The following SGIP1 variants were observed in gnomAD, a reference collection of about 807,000 sequenced individuals.
SGIP1 encodes the protein SH3-containing GRB2-like protein 3-interacting protein 1.
In SGIP1, 38 loss-of-function variants were observed where a neutral mutation model predicts 107.5. The observed-to-expected ratio is 0.35, with a 90% confidence interval of 0.27 to 0.46. SGIP1 has a LOEUF of 0.46. Ranked by LOEUF, SGIP1 falls within the 20% of genes least tolerant of loss-of-function variation. The pLI is 1.00. For synonymous variants in SGIP1, 365 were observed against 366.1 expected (o/e 1.00, Z 0.03); for missense variants, 929 against 1,019.5 (o/e 0.91, Z 1.21).
At chr1:66,607,073 G>A (rs945350530) in intron 1 of SGIP1, among the ~76,000 whole-genome samples, 3 of 152,180 alleles carry the variant, frequency 2.0e-5, no homozygotes, top group African/African-American at 7.2e-5. Flanking sequence ...TCTGTGAACT[G>A]TACTACGTTG....
At chr1:66,667,480 A>G (rs764357167) in intron 8 of SGIP1, 50 bp from the exon 9 acceptor site, 8 of 1,584,904 alleles carry the variant, frequency 5.0e-6, no homozygotes, top group Non-Finnish European at 6.9e-6. Flanking sequence ...TGACTGATCC[A>G]TCATTCTCTG....
chr1:66,651,196 G>GAGAACTTTGAGA (rs1210186038), intron 7 of SGIP1, among the ~76,000 whole-genome samples: 1 of 152,180 alleles, frequency 6.6e-6, no homozygotes, highest in Non-Finnish European at 1.5e-5. Flanking sequence ...GCTCATTGAT[G>GAGAACTTTGAGA]ACTTTGAGAA....
intron 3 of SGIP1, chr1:66,634,208 C>G: frequency 6.6e-7 from 1 of 1,512,812 alleles, no homozygotes; most frequent in South Asian, 1.2e-5. Context: ...GGCTTGGTCC[C>G]CTCCCTGGGT....
At position 66,682,197 on chromosome 1, in the gene SGIP1, G is replaced by A. The variant is rs1239068532; in HGVS notation, c.1143G>A (p.Lys381=). 4 of 1,614,190 alleles carry A rather than the reference G, an allele frequency of 2.5e-6. No individual in the cohort carries two copies. The highest frequency in any genetic ancestry group is 3.4e-6 in the Non-Finnish European group (4 of 1,180,042). ...LSPLNLEEVQ[K]KVAEQTFIKD... is the part of the protein sequence containing the mutation. ...CGCTCAATTTAGAAGAAGTCCAGAA[G>A]AAAGTCGCTGAGCAGACCTTCATTA... The change falls in exon 15 of 25, where the codon AAG becomes AAA. Residue 381 remains lysine, a synonymous_variant. Coordinates refer to ENST00000371037, the MANE Select transcript of SGIP1 (RefSeq NM_032291.4).
chr1:66,629,415 A>G (rs1247768273), intron 2 of SGIP1, among the ~76,000 whole-genome samples: 1 of 152,198 alleles, frequency 6.6e-6, no homozygotes, highest in African/African-American at 2.4e-5. Context: ...AATTTTAAAG[A>G]GAAATATCAG....
In SGIP1 at chr1:66,556,010, A is replaced by G. The variant is rs147211771; in HGVS notation, c.10+21642A>G. ...GATGTGCAATCATTAGCATTATTCTATGTTACCTCTCACATCACTGCAAAA... is the reference window on the plus strand; with the variant it reads ...GATGTGCAATCATTAGCATTATTCTGTGTTACCTCTCACATCACTGCAAAA... On this transcript the variant is annotated intron_variant, in intron 1 of 24. Transcript: ENST00000371037. Among the ~76,000 whole-genome samples, 440 of 152,256 alleles carry G rather than the reference A, an allele frequency of 2.9e-3. 3 individuals carry two copies. The highest frequency in any genetic ancestry group is 9.4e-3 in the African/African-American group (392 of 41,568).
At chr1:66,582,312 T>C (rs549845672) in intron 1 of SGIP1, among the ~76,000 whole-genome samples, 57 of 152,212 alleles carry the variant, frequency 3.7e-4, no homozygotes, top group Middle Eastern at 3.4e-3. Context: ...CAGAAGTATT[T>C]GTTCTCAGAG....
At position 66,682,124 on chromosome 1, in the gene SGIP1, C is replaced by T. The variant is rs750759852; in HGVS notation, c.1070C>T (p.Pro357Leu). 7 of 1,613,712 alleles carry T rather than the reference C, an allele frequency of 4.3e-6. No homozygotes were observed. The highest frequency in any genetic ancestry group is 5.9e-6 in the Non-Finnish European group (7 of 1,179,790). The part of the protein sequence containing the change: ...PAPGPLGPPG[P>L]TGPPGPPGPP... ...CCAGGCCCTCTCGGCCCCCCAGGTC[C>T]CACAGGCCCCCCAGGGCCTCCTGGG... The change falls in exon 15 of 25, where the codon CCC becomes CTC. Residue 357 changes from proline (P) to leucine (L), a missense_variant. This residue lies in a region of SGIP1 where 588 missense variants were observed against 588.6 expected (regional missense o/e 1.00). Coordinates refer to ENST00000371037, the MANE Select transcript of SGIP1 (RefSeq NM_032291.4).
intron 21 of SGIP1, among the ~76,000 whole-genome samples, chr1:66,738,153 A>G (rs1462407848): frequency 6.6e-6 from 1 of 152,202 alleles, no homozygotes; most frequent in Non-Finnish European, 1.5e-5. Context: ...AAGTTTAAAA[A>G]CTATAATGAT....
chr1:66,614,809 C>CTTTTTTTTTTTTTTT (rs10707091), intron 1 of SGIP1, among the ~76,000 whole-genome samples: 1 of 59,388 alleles, frequency 1.7e-5, no homozygotes, highest in Non-Finnish European at 3.0e-5. Context: ...TTCCAGCTGT[C>CTTTTTTTTTTTTTTT]TTTTTTTTTT....
At chr1:66,556,700 C>G (rs893201404) in intron 1 of SGIP1, among the ~76,000 whole-genome samples, 1 of 151,128 alleles carries the variant, frequency 6.6e-6, no homozygotes, top group African/African-American at 2.4e-5. Flanking sequence ...CTGATGCCAA[C>G]TGGACCCTGT....
At chr1:66,702,946 A>G (rs1230275941) in intron 18 of SGIP1, among the ~76,000 whole-genome samples, 3 of 152,196 alleles carry the variant, frequency 2.0e-5, no homozygotes, top group Non-Finnish European at 4.4e-5. Flanking sequence ...GACTGGAGTA[A>G]CCAAATGGGG....
chr1:66,690,106 TG>T, intron 16 of SGIP1, 83 bp from the exon 17 acceptor site: 1 of 1,511,924 alleles, frequency 6.6e-7, no homozygotes, highest in Non-Finnish European at 9.1e-7. Flanking sequence ...TTGTCATATC[TG>T]GGGCTGGGAG....
At chr1:66,627,441 G>T (rs1357057716) in intron 2 of SGIP1, among the ~76,000 whole-genome samples, 4 of 152,160 alleles carry the variant, frequency 2.6e-5, no homozygotes, top group Non-Finnish European at 5.9e-5. Context: ...GGCTGGAAAG[G>T]AGACCAGGAC....
At chr1:66,732,785 CT>C (rs2150619429) in intron 20 of SGIP1, among the ~76,000 whole-genome samples, 1 of 151,922 alleles carries the variant, frequency 6.6e-6, no homozygotes, top group Non-Finnish European at 1.5e-5. Context: ...GACAATAATT[CT>C]TCCTTTGCAG....
intron 1 of SGIP1, among the ~76,000 whole-genome samples, chr1:66,578,225 C>T (rs2061344917): frequency 1.4e-5 from 2 of 147,580 alleles, no homozygotes; most frequent in Middle Eastern, 3.2e-3. Context: ...GAGCCCATCC[C>T]TGGAGATTCT....
intron 1 of SGIP1, among the ~76,000 whole-genome samples, chr1:66,607,775 A>G (rs1025480698): frequency 2.0e-5 from 3 of 152,176 alleles, no homozygotes; most frequent in Non-Finnish European, 4.4e-5. Flanking sequence ...GAAAGGGGAT[A>G]TTTGGTTCCC....
upstream of SGIP1, among the ~76,000 whole-genome samples, chr1:66,533,879 C>T (rs1457010303): frequency 2.6e-5 from 4 of 151,938 alleles, no homozygotes; most frequent in East Asian, 1.9e-4. Flanking sequence ...CTCGGGCACC[C>T]AGCCGCTTCT....
rs183329341 is a variant in SGIP1, at chr1:66,642,855, G to A, written c.274G>A (p.Glu92Lys). 211 of 1,612,020 alleles carry A rather than the reference G, an allele frequency of 1.3e-4. No homozygotes were observed. The highest frequency in any genetic ancestry group is 1.7e-4 in the Non-Finnish European group (205 of 1,179,042). The change falls in exon 6 of 25, where the codon GAA becomes AAA. Residue 92 changes from glutamate to lysine, a missense_variant. Transcript: ENST00000371037. ...AGAAGGCTACAGCATCAGACCCGAG[G>A]AACCCGGCTATATCCTTTCTTTATT... Reference protein sequence around the residue: ...DEEGYSIRPEEPGSTKGKHFY... With the variant: ...DEEGYSIRPEKPGSTKGKHFY...
Sources: allele counts gnomAD v4.1 joint callset (sites outside exome capture counted in the v4.1 genomes callset), GRCh38; gene constraint gnomAD v4.1.1; regional missense constraint gnomAD v4.1.1; transcripts MANE v1.5; gene names NCBI Gene and HGNC (gene_info 2026-07-23, HGNC 2026-07-21).